NDUFAF6: variants seen among roughly 807,000 people sequenced by gnomAD.
The protein encoded by NDUFAF6 is NADH:ubiquinone oxidoreductase complex assembly factor 6, also known as NADH dehydrogenase (ubiquinone) complex I, assembly factor 6.
NDUFAF6 carries 45 observed loss-of-function variants against 40.8 expected under a neutral mutation model. The ratio of observed to expected loss-of-function variants is 1.10; its 90% CI spans 0.87 to 1.42. The LOEUF (loss-of-function observed/expected upper bound fraction) is 1.42. Among genes scored for constraint, NDUFAF6 ranks in the 40% most tolerant of loss-of-function variants. The probability of loss-of-function intolerance (pLI) is 0.00; values close to 1 mark genes in which losing one functional copy is unlikely to be tolerated. For synonymous variants in NDUFAF6, 185 were observed against 155.9 expected (o/e 1.19, Z -1.39); for missense variants, 435 against 418.5 (o/e 1.04, Z -0.34).
rs140127033 is a variant in NDUFAF6 at position 94,989,679 on chromosome 8, A to G, written c.-84+8706A>G. Among the ~76,000 whole-genome samples, 628 of 152,316 alleles carry G rather than the reference A, an allele frequency of 4.1e-3. 5 individuals are homozygous for G. The highest frequency in any genetic ancestry group is 0.015 in the African/African-American group (605 of 41,562). On this transcript the variant is annotated intron_variant, in intron 2 of 9. Coordinates refer to the NDUFAF6 transcript ENST00000396111. ...AATTCAGGTTCGTATTTTAATGTTG[A>G]CAGTGACTTGGACTTTTGGGGATTA... is the stretch of plus-strand genomic sequence containing the variant.
At chr8:95,091,633 T>C (rs2132064369) in intron 2 of NDUFAF6, among the ~76,000 whole-genome samples, 1 of 151,674 alleles carries the variant, frequency 6.6e-6, no homozygotes, top group African/African-American at 2.4e-5. Flanking sequence ...AATAACTCAA[T>C]TGTTCATCTC....
chr8:95,026,945 C>T (rs1390099041), intron 1 of NDUFAF6, among the ~76,000 whole-genome samples: 1 of 148,318 alleles, frequency 6.7e-6, no homozygotes, highest in Non-Finnish European at 1.5e-5. Context: ...TACTGCGAGG[C>T]TGAGGCGGGA....
At chr8:94,940,837 G>C in intron 1 of NDUFAF6, 1 of 1,611,584 alleles carries the variant, frequency 6.2e-7, no homozygotes, top group Non-Finnish European at 8.5e-7. Context: ...TACCTATGAA[G>C]TCAACAAGAA....
intron 1 of NDUFAF6, among the ~76,000 whole-genome samples, chr8:94,936,979 G>C (rs944402205): frequency 7.9e-5 from 12 of 152,246 alleles, no homozygotes; most frequent in African/African-American, 2.9e-4. Flanking sequence ...GAGCATAGCT[G>C]CAAGTGAGAC....
At chr8:94,943,113 G>C (rs1032975778) in intron 1 of NDUFAF6, among the ~76,000 whole-genome samples, 1 of 152,304 alleles carries the variant, frequency 6.6e-6, no homozygotes, top group Admixed American at 6.5e-5. Flanking sequence ...GCAGGATATA[G>C]AGCTTTGGAG....
downstream of NDUFAF6, among the ~76,000 whole-genome samples, chr8:95,061,353 C>G (rs963525290): frequency 2.6e-5 from 4 of 152,112 alleles, no homozygotes; most frequent in Non-Finnish European, 4.4e-5. Context: ...AAGATATTGG[C>G]TTAATCGATT....
At chr8:95,089,586 A>G (rs555595390) in intron 2 of NDUFAF6, among the ~76,000 whole-genome samples, 58 of 152,324 alleles carry the variant, frequency 3.8e-4, no homozygotes, top group South Asian at 2.1e-4. Flanking sequence ...GTAATTCTCC[A>G]GGAAGTTTCT....
At chr8:95,049,854 CTTTG>C (rs1831234340) in intron 7 of NDUFAF6, among the ~76,000 whole-genome samples, 2 of 152,134 alleles carry the variant, frequency 1.3e-5, no homozygotes. Context: ...ATGTAAGTTA[CTTTG>C]TTTGATTCTG....
At chr8:94,939,798 C>T in intron 1 of NDUFAF6, 2 of 1,561,542 alleles carry the variant, frequency 1.3e-6, no homozygotes, top group South Asian at 1.2e-5. Context: ...CTTTGAATTA[C>T]AGTAGAGACA....
chr8:95,027,389 G>A (rs1828282321), intron 1 of NDUFAF6, among the ~76,000 whole-genome samples: 1 of 151,856 alleles, frequency 6.6e-6, no homozygotes. Flanking sequence ...GACCAGCCTG[G>A]GCAACATAGT....
intron 1 of NDUFAF6, among the ~76,000 whole-genome samples, chr8:94,962,611 T>TTTG (rs200960435): frequency 6.8e-5 from 5 of 73,790 alleles, no homozygotes; most frequent in Admixed American, 1.5e-4. Flanking sequence ...TGTTTTTTGT[T>TTTG]TTTTGTTTTT....
chr8:95,088,721 GTGTGTGTTTTCTTTT>G (rs1176217555), intron 2 of NDUFAF6, among the ~76,000 whole-genome samples: 1,828 of 100,510 alleles, frequency 0.018, 24 homozygotes, highest in African/African-American at 0.06. Flanking sequence ...GTGTGTGTGT[GTGTGTGTTTTCTTTT>G]TGTTTTCTTG....
chr8:94,940,855 A>T lies in NDUFAF6; in HGVS notation c.-935-4628A>T, dbSNP rs553785190. ...CTATGAAGTCAACAAGAATCCATTC[A>T]TCATCTTCTTTCTCATTGAATTCTG... On this transcript the variant is annotated intron_variant, in intron 1 of 14. Coordinates refer to the NDUFAF6 transcript ENST00000396113. 7 of 1,613,588 alleles carry T rather than the reference A, an allele frequency of 4.3e-6. No individual in the cohort carries two copies. In the South Asian group the frequency reaches 7.7e-5, roughly 18 times the overall value.
chr8:95,012,174 C>T (rs769587530), intron 2 of NDUFAF6, among the ~76,000 whole-genome samples: 1 of 152,086 alleles, frequency 6.6e-6, no homozygotes, highest in African/African-American at 2.4e-5. Flanking sequence ...TTTGCATTTC[C>T]CTGTCTACTG....
At chr8:95,115,101 T>C (rs1457374194) in intron 4 of NDUFAF6, among the ~76,000 whole-genome samples, 1 of 151,996 alleles carries the variant, frequency 6.6e-6, no homozygotes, top group African/African-American at 2.4e-5. Context: ...GGCTTGCATT[T>C]GAAGGGCCAA....
intron 2 of NDUFAF6, among the ~76,000 whole-genome samples, chr8:94,981,977 C>G (rs1192439496): frequency 6.6e-6 from 1 of 151,224 alleles, no homozygotes; most frequent in Non-Finnish European, 1.5e-5. Context: ...CGCCTGTAAT[C>G]CCAGCACTTT....
chr8:94,909,368 A>AC (rs1818599495), intron 1 of NDUFAF6, among the ~76,000 whole-genome samples: 1 of 23,354 alleles, frequency 4.3e-5, no homozygotes, highest in Non-Finnish European at 1.2e-4. Flanking sequence ...AAAAAAAAAA[A>AC]AAAAAAAAAA....
chr8:94,964,573 C>A (rs960987612), intron 1 of NDUFAF6, among the ~76,000 whole-genome samples: 29 of 152,120 alleles, frequency 1.9e-4, no homozygotes, highest in African/African-American at 6.5e-4. Flanking sequence ...TGCTTTTGCT[C>A]ATGGCAGAAG....
chr8:94,922,506 TCTCA>T (rs2131273340), intron 1 of NDUFAF6, among the ~76,000 whole-genome samples: 1 of 146,248 alleles, frequency 6.8e-6, no homozygotes, highest in African/African-American at 2.5e-5. Context: ...TGAGGCAGAG[TCTCA>T]CTCCGTCACC....
Sources: gnomAD v4.1 joint callset for allele counts (sites outside exome capture counted in the v4.1 genomes callset) on GRCh38, gnomAD v4.1.1 for gene constraint, MANE v1.5 for transcripts, NCBI Gene and HGNC (gene_info 2026-07-23, HGNC 2026-07-21) for gene names.